Variants in NDE1 observed in about 807,000 individuals in gnomAD.
NDE1 encodes nuclear distribution protein nudE homolog 1.
In NDE1, 28 loss-of-function variants were observed where a neutral mutation model predicts 43.4. That is an observed-to-expected ratio of 0.65 (90% CI 0.48 to 0.89). The LOEUF is 0.89. Among genes scored for constraint, NDE1 ranks in the 40% least tolerant of loss-of-function variants. The pLI, the probability that NDE1 is intolerant of heterozygous loss-of-function variation, is 0.00. For synonymous variants in NDE1, 184 were observed against 172.0 expected, an observed-to-expected ratio of 1.07 and a Z score of -0.55; for missense variants, 441 against 434.1, an observed-to-expected ratio of 1.02 and a Z score of -0.14.
At position 15,724,367 on chromosome 16, in the gene NDE1, C is replaced by T. The variant is rs773946923; in HGVS notation, c.*116C>T. On this transcript the variant is annotated 3_prime_UTR_variant, in exon 9 of 9. Transcript: ENST00000396354. ...TTCTTCCCCTCTTCCAGAGCTTCCACGGTGCTGGCAAAGTCCTGCAGCTTC... is the reference window on the plus strand; with the variant it reads ...TTCTTCCCCTCTTCCAGAGCTTCCATGGTGCTGGCAAAGTCCTGCAGCTTC... The T allele has an allele frequency of 1.5e-5, 24 of 1,614,002 alleles. No individual in the cohort carries two copies. Among genetic ancestry groups the T allele is most frequent in the African/African-American group, 4.0e-5 (3 of 74,908 alleles).
chr16:15,673,192 T>C (rs955621130), intron 3 of NDE1, among the ~76,000 whole-genome samples: 1 of 152,084 alleles, frequency 6.6e-6, no homozygotes, highest in Non-Finnish European at 1.5e-5. Flanking sequence ...TTGTAGAATC[T>C]AGGATGGGTG....
At position 15,724,295 on chromosome 16, in the gene NDE1, TCTC is replaced by T. The variant is rs777403706; in HGVS notation, c.*48_*50del. 5 of 1,614,036 alleles carry T rather than the reference TCTC, an allele frequency of 3.1e-6. No homozygotes were observed. The highest frequency in any genetic ancestry group is 1.1e-5 in the South Asian group (1 of 91,084). On this transcript the variant is annotated 3_prime_UTR_variant, in exon 9 of 9. Coordinates refer to ENST00000396354, the MANE Select transcript of NDE1 (RefSeq NM_017668.3). ...TCCAGTTTATCATAAGCGGCCGCCT[TCTC>T]CTCGTACTGCTGGGTGAGGTTCTCG... is the stretch of plus-strand genomic sequence containing the variant.
chr16:15,724,864 T>G lies in NDE1; in HGVS notation c.*613T>G. On this transcript the variant is annotated 3_prime_UTR_variant, in exon 9 of 9. Transcript: ENST00000396354. ...GAGGAAGGCCACCCCCCAGGTCCCCTGGATGATGTGGCAGGACACTCACCT... is the reference window on the plus strand; with the variant it reads ...GAGGAAGGCCACCCCCCAGGTCCCCGGGATGATGTGGCAGGACACTCACCT... The G allele has an allele frequency of 6.2e-7, 1 of 1,613,844 alleles. No homozygotes were observed. The highest frequency in any genetic ancestry group is 2.2e-5 in the East Asian group (1 of 44,860).
chr16:15,689,354 TG>T (rs1194865866), intron 5 of NDE1, among the ~76,000 whole-genome samples: 6 of 152,032 alleles, frequency 3.9e-5, no homozygotes, highest in African/African-American at 1.4e-4. Flanking sequence ...AAATTAGGCC[TG>T]GTGGCATATG....
At chr16:15,678,541 C>G (rs946366258) in intron 4 of NDE1, among the ~76,000 whole-genome samples, 1 of 151,928 alleles carries the variant, frequency 6.6e-6, no homozygotes, top group African/African-American at 2.4e-5. Flanking sequence ...ATTTTTGTAT[C>G]TTTAGTAGGG....
At chr16:15,667,082 C>T (rs574991326) in intron 2 of NDE1, among the ~76,000 whole-genome samples, 69 of 152,184 alleles carry the variant, frequency 4.5e-4, no homozygotes, top group Admixed American at 3.3e-4. Flanking sequence ...CCCGTCACTA[C>T]TAAAAATACA....
At chr16:15,689,375 C>G (rs1462245651) in intron 5 of NDE1, among the ~76,000 whole-genome samples, 2 of 152,026 alleles carry the variant, frequency 1.3e-5, no homozygotes, top group African/African-American at 4.8e-5. Flanking sequence ...GTCTGTAGTT[C>G]CAGCTACTTA....
chr16:15,662,146 C>T (rs1260913862), intron 1 of NDE1, among the ~76,000 whole-genome samples: 1 of 151,908 alleles, frequency 6.6e-6, no homozygotes, highest in Non-Finnish European at 1.5e-5. Context: ...GCTGTGTTTC[C>T]CAGGCTGGTC....
intron 8 of NDE1, among the ~76,000 whole-genome samples, chr16:15,697,755 T>C (rs1008354238): frequency 1.3e-5 from 2 of 151,984 alleles, no homozygotes; most frequent in Admixed American, 1.3e-4. Flanking sequence ...AGCCCTTATT[T>C]GGGGAATTGA....
intron 8 of NDE1, chr16:15,720,972 T>A: frequency 6.2e-7 from 1 of 1,614,042 alleles, no homozygotes; most frequent in South Asian, 1.1e-5. Flanking sequence ...TTGCAGCTCG[T>A]CCTCCAGCTC....
At chr16:15,664,911 G>C in intron 2 of NDE1, 50 bp downstream of exon 2, 1 of 1,383,690 alleles carries the variant, frequency 7.2e-7, no homozygotes, top group Non-Finnish European at 1.0e-6. Flanking sequence ...TTTGAGATGG[G>C]GTCCTGCTAT....
chr16:15,668,411 T>C (rs2037423957), intron 3 of NDE1, among the ~76,000 whole-genome samples: 1 of 152,152 alleles, frequency 6.6e-6, no homozygotes, highest in South Asian at 2.1e-4. Flanking sequence ...ACTACAGGCA[T>C]GCGGCACCAT....
At position 15,687,355 on chromosome 16, in the gene NDE1, T is replaced by C. The variant is rs2038492186; in HGVS notation, c.387-20T>C. ...GCTGCGGTTTGTCCTCTTGGATAAC[T>C]CTGCTTTTCTCTTCGCCAGCGCCAC... On this transcript the variant is annotated intron_variant, in intron 4 of 8. Transcript: ENST00000396354. 1.9e-6 allele frequency: 3 copies of C among 1,613,946 alleles called. No homozygotes were observed. Among genetic ancestry groups the C allele is most frequent in the Non-Finnish European group, 2.5e-6 (3 of 1,179,946 alleles).
chr16:15,681,337 C>G (rs1026524974), intron 4 of NDE1, among the ~76,000 whole-genome samples: 1 of 122,610 alleles, frequency 8.2e-6, no homozygotes, highest in Non-Finnish European at 1.6e-5. Context: ...GCAATTACAG[C>G]TCACTGGAGC....
At chr16:15,675,712 C>G (rs1031480167) in intron 3 of NDE1, among the ~76,000 whole-genome samples, 2 of 152,042 alleles carry the variant, frequency 1.3e-5, no homozygotes, top group African/African-American at 4.8e-5. Flanking sequence ...AGGCATGAGG[C>G]ACCACACCTG....
chr16:15,675,178 G>GTGCC lies in NDE1; in HGVS notation c.238-2614_238-2611dup, dbSNP rs1431834072. On this transcript the variant is annotated intron_variant, in intron 3 of 8. Transcript: ENST00000396354. ...GACATAATTGAAACAGTTATTCAGT[G>GTGCC]TGCCTGCCTGCCCGCCCCCTCCCAG... is the stretch of plus-strand genomic sequence containing the variant. 5.3e-5 allele frequency among the ~76,000 whole-genome samples: 8 copies of GTGCC among 152,102 alleles called. No homozygotes were observed. In the East Asian group the frequency reaches 9.7e-4, roughly 18 times the overall value.
chr16:15,719,774 C>T (rs2040369534), intron 8 of NDE1: 13 of 1,610,878 alleles, frequency 8.1e-6, no homozygotes, highest in Non-Finnish European at 1.1e-5. Flanking sequence ...TTCTGCTGCC[C>T]AGTTCAGCTT....
chr16:15,687,248 C>G (rs776909908), intron 4 of NDE1, 127 bp from the exon 5 acceptor site: 1 of 1,579,968 alleles, frequency 6.3e-7, no homozygotes, highest in East Asian at 2.3e-5. Flanking sequence ...CACTCTGTGG[C>G]ATCTAGGAAG....
chr16:15,699,621 A>T, intron 8 of NDE1: 1 of 1,250,366 alleles, frequency 8.0e-7, no homozygotes, highest in South Asian at 1.3e-5. Context: ...ACCCTGTGAG[A>T]CCCTGCTCCT....
Sources: gnomAD v4.1 joint callset for allele counts (sites outside exome capture counted in the v4.1 genomes callset) on GRCh38, gnomAD v4.1.1 for gene constraint, MANE v1.5 for transcripts, NCBI Gene and HGNC (gene_info 2026-07-23, HGNC 2026-07-21) for gene names.